The following PPP2R2B variants were observed in gnomAD, a reference collection of about 807,000 sequenced individuals.
The protein encoded by PPP2R2B is protein phosphatase 2 regulatory subunit Bbeta, also known as serine/threonine-protein phosphatase 2A 55 kDa regulatory subunit B beta isoform.
In PPP2R2B, 5 loss-of-function variants were observed where a neutral mutation model predicts 46.0. That is an observed-to-expected ratio of 0.11 (90% CI 0.06 to 0.23). PPP2R2B has a LOEUF of 0.23. Among genes scored for constraint, PPP2R2B ranks in the 10% least tolerant of loss-of-function variants. The probability of loss-of-function intolerance (pLI) is 1.00; values close to 1 mark genes in which losing one functional copy is unlikely to be tolerated. For synonymous variants in PPP2R2B, 215 were observed against 206.7 expected (o/e 1.04, Z -0.34); for missense variants, 367 against 575.0 (o/e 0.64, Z 3.70).
At chr5:147,039,079 G>A (rs951191186) in intron 1 of PPP2R2B, among the ~76,000 whole-genome samples, 1 of 152,052 alleles carries the variant, frequency 6.6e-6, no homozygotes, top group Non-Finnish European at 1.5e-5. Flanking sequence ...CTCTGTGCTT[G>A]CAGGTCCCTC....
At chr5:146,852,060 T>C (rs143961230) in intron 2 of PPP2R2B, among the ~76,000 whole-genome samples, 2,179 of 151,872 alleles carry the variant, frequency 0.014, 27 homozygotes, top group Middle Eastern at 0.037. Context: ...GAGACCAGAG[T>C]GGAGCTGAAA....
At chr5:146,978,618 A>G (rs994871030) in intron 1 of PPP2R2B, among the ~76,000 whole-genome samples, 1 of 152,176 alleles carries the variant, frequency 6.6e-6, no homozygotes, top group Non-Finnish European at 1.5e-5. Context: ...ATCATTTATT[A>G]AATAGGGAAT....
intron 5 of PPP2R2B, among the ~76,000 whole-genome samples, chr5:146,667,181 C>T (rs928731969): frequency 1.3e-4 from 20 of 152,072 alleles, no homozygotes; most frequent in African/African-American, 4.1e-4. Flanking sequence ...TGGGAGAGAC[C>T]GTAAATCTTC....
intron 5 of PPP2R2B, among the ~76,000 whole-genome samples, chr5:146,678,770 T>C (rs1777919496): frequency 7.2e-6 from 1 of 139,346 alleles, no homozygotes; most frequent in Non-Finnish European, 1.5e-5. Context: ...GAGAGCCAAA[T>C]CATGAGTGAA....
chr5:146,629,362 C>T (rs1256281116), intron 7 of PPP2R2B, among the ~76,000 whole-genome samples: 1 of 152,182 alleles, frequency 6.6e-6, no homozygotes, highest in Non-Finnish European at 1.5e-5. Context: ...TTTTCCATCA[C>T]CTCTTCACTG....
intron 1 of PPP2R2B, among the ~76,000 whole-genome samples, chr5:147,014,668 T>C (rs1194401493): frequency 6.9e-6 from 1 of 144,078 alleles, no homozygotes; most frequent in Non-Finnish European, 1.5e-5. Flanking sequence ...TTCTCACTCA[T>C]AGGTGGGAAT....
chr5:146,895,590 A>G (rs1458448202), intron 1 of PPP2R2B, among the ~76,000 whole-genome samples: 1 of 152,178 alleles, frequency 6.6e-6, no homozygotes, highest in Admixed American at 6.5e-5. Context: ...AGGGTTCAGT[A>G]GGTAAGGGCT....
At chr5:146,742,365 G>A (rs1160335727) in intron 2 of PPP2R2B, among the ~76,000 whole-genome samples, 1 of 152,146 alleles carries the variant, frequency 6.6e-6, no homozygotes, top group African/African-American at 2.4e-5. Context: ...TGGATGGCTA[G>A]GGTTTAACTA....
At chr5:146,764,285 C>G (rs1267818126) in intron 2 of PPP2R2B, among the ~76,000 whole-genome samples, 1 of 152,054 alleles carries the variant, frequency 6.6e-6, no homozygotes, top group Non-Finnish European at 1.5e-5. Flanking sequence ...AGGAATTTAC[C>G]CTGAGAAGCC....
At chr5:146,803,768 G>A (rs1417729187) in intron 2 of PPP2R2B, among the ~76,000 whole-genome samples, 1 of 152,142 alleles carries the variant, frequency 6.6e-6, no homozygotes, top group Non-Finnish European at 1.5e-5. Context: ...GTGGTTTTTG[G>A]CAAATTATTT....
intron 1 of PPP2R2B, among the ~76,000 whole-genome samples, chr5:146,997,043 C>T (rs988568693): frequency 2.6e-5 from 4 of 152,168 alleles, no homozygotes; most frequent in South Asian, 4.1e-4. Context: ...GACTCAAACA[C>T]GGGATTGCAC....
chr5:147,076,681 T>A (rs7708484), intron 2 of PPP2R2B, among the ~76,000 whole-genome samples: 5 of 151,916 alleles, frequency 3.3e-5, no homozygotes, highest in South Asian at 4.1e-4. Flanking sequence ...TTTGGTAGTC[T>A]GAGCATTGTA....
At position 146,896,942 on chromosome 5, in the gene PPP2R2B, G is replaced by A. The variant is rs138781149; in HGVS notation, c.79+158723C>T. Among the ~76,000 whole-genome samples the A allele has an allele frequency of 6.4e-3, 980 of 152,206 alleles. 11 individuals are homozygous for A. The highest frequency in any genetic ancestry group is 0.023 in the African/African-American group (935 of 41,534). ...AAGAAATGCTGGCTTAGCCTCTTAA[G>A]AAGGTAATGATCCTCCTTGATTTAG... On this transcript the variant is annotated intron_variant, in intron 1 of 8. Coordinates refer to the PPP2R2B transcript ENST00000336640.
chr5:146,811,568 T>C (rs1199495627), intron 2 of PPP2R2B, among the ~76,000 whole-genome samples: 2 of 146,100 alleles, frequency 1.4e-5, no homozygotes, highest in Non-Finnish European at 3.0e-5. Flanking sequence ...TTTTTTTTTT[T>C]TTTTTTTTTT....
At chr5:147,074,306 T>C (rs1580887751) in intron 2 of PPP2R2B, among the ~76,000 whole-genome samples, 1 of 152,284 alleles carries the variant, frequency 6.6e-6, no homozygotes, top group East Asian at 1.9e-4. Flanking sequence ...GAGTTGTTGA[T>C]TTAGAAAGCT....
intron 7 of PPP2R2B, among the ~76,000 whole-genome samples, chr5:146,608,331 T>C (rs1198536995): frequency 6.6e-6 from 1 of 152,088 alleles, no homozygotes; most frequent in Non-Finnish European, 1.5e-5. Flanking sequence ...GTACATGGAA[T>C]GAACTTAGGA....
At chr5:146,907,101 A>C (rs1239558158) in intron 1 of PPP2R2B, among the ~76,000 whole-genome samples, 2 of 152,198 alleles carry the variant, frequency 1.3e-5, no homozygotes, top group African/African-American at 4.8e-5. Flanking sequence ...CCGACAGGGA[A>C]GTAGGAAAGT....
chr5:146,625,651 G>C (rs138192991), intron 7 of PPP2R2B, among the ~76,000 whole-genome samples: 2 of 152,270 alleles, frequency 1.3e-5, no homozygotes, highest in Non-Finnish European at 2.9e-5. Flanking sequence ...CTGGAGGAAT[G>C]TGCCTTAACT....
chr5:146,654,191 A>C (rs191323558), intron 5 of PPP2R2B, among the ~76,000 whole-genome samples: 27 of 152,204 alleles, frequency 1.8e-4, no homozygotes, highest in Admixed American at 1.5e-3. Flanking sequence ...ACCCAACTCC[A>C]AGGTGTTATC....
Sources: allele counts gnomAD v4.1 joint callset (sites outside exome capture counted in the v4.1 genomes callset), GRCh38; gene constraint gnomAD v4.1.1; transcripts MANE v1.5; gene names NCBI Gene and HGNC (gene_info 2026-07-23, HGNC 2026-07-21).